Variants in GATA4 observed in about 807,000 individuals in gnomAD.
The protein encoded by GATA4 is transcription factor GATA-4.
In GATA4, 7 loss-of-function variants were observed where a neutral mutation model predicts 37.9. The observed-to-expected ratio is 0.18, with a 90% CI of 0.11 to 0.35. GATA4 has a LOEUF of 0.35. Among genes scored for constraint, GATA4 ranks in the 10% least tolerant of loss-of-function variants. The probability of loss-of-function intolerance (pLI) is 1.00; values close to 1 mark genes in which losing one functional copy is unlikely to be tolerated. For missense variants in GATA4, 647 were observed against 653.0 expected, an observed-to-expected ratio of 0.99 and a Z score of 0.10; for synonymous variants, 372 against 292.6, an observed-to-expected ratio of 1.27 and a Z score of -2.77.
intron 2 of GATA4, among the ~76,000 whole-genome samples, chr8:11,714,527 C>T (rs950158234): frequency 6.6e-5 from 10 of 152,172 alleles, no homozygotes; most frequent in African/African-American, 2.2e-4. Flanking sequence ...AGTTGTTTAA[C>T]TTTCCGGTTA....
chr8:11,748,306 C>T (rs536724704), intron 2 of GATA4, among the ~76,000 whole-genome samples: 4 of 152,146 alleles, frequency 2.6e-5, no homozygotes, highest in African/African-American at 7.2e-5. Flanking sequence ...GCTGGAGTAT[C>T]GCTTGAGCCC....
At chr8:11,705,247 C>A (rs1252496916) in intron 1 of GATA4, among the ~76,000 whole-genome samples, 1 of 152,196 alleles carries the variant, frequency 6.6e-6, no homozygotes, top group Non-Finnish European at 1.5e-5. Context: ...AGGAAGACAA[C>A]CGAGAGCAGG....
chr8:11,685,996 T>C (rs999444255), intron 1 of GATA4, among the ~76,000 whole-genome samples: 1 of 152,230 alleles, frequency 6.6e-6, no homozygotes, highest in African/African-American at 2.4e-5. Flanking sequence ...AGGACAGGAC[T>C]GCAGACTGAA....
rs1327988791 is a variant in GATA4 at position 11,708,348 on chromosome 8, G to A, written c.36G>A (p.Gly12=). The A allele has an allele frequency of 4.4e-6, 7 of 1,583,466 alleles. No homozygotes were observed. Among genetic ancestry groups the A allele is most frequent in the Non-Finnish European group, 6.0e-6 (7 of 1,172,870 alleles). Residue 12 remains glycine, a synonymous_variant, in exon 2 of 7, where the codon GGG becomes GGA. Coordinates refer to ENST00000532059, the MANE Select transcript of GATA4 (RefSeq NM_001308093.3). This position sits in a 1 kb window ranked among gnomAD's most constrained non-coding sequence, Gnocchi z 6.7. The part of the protein sequence containing the change: ...YQSLAMAANH[G]PPPGAYEAGG... ...GCTTGGCCATGGCCGCCAACCACGG[G>A]CCGCCCCCCGGTGCCTACGAGGCGG...
At chr8:11,702,758 C>A (rs1404886237), upstream of GATA4, among the ~76,000 whole-genome samples, 4 of 152,146 alleles carry the variant, frequency 2.6e-5, no homozygotes, top group Non-Finnish European at 5.9e-5. The surrounding 1 kb of genome is among the most constrained non-coding windows in gnomAD (Gnocchi z 4.4). Flanking sequence ...AGAGGGGCGG[C>A]TGCCGTGCGT....
intron 1 of GATA4, chr8:11,681,225 C>T (rs942750633): frequency 1.0e-6 from 1 of 985,184 alleles, no homozygotes; most frequent in African/African-American, 1.7e-5. Flanking sequence ...AGAGATTTCT[C>T]GACGTTTGGG....
At chr8:11,678,012 AAATAATAATAATAATAATAAT>A (rs148395155) in intron 1 of GATA4, among the ~76,000 whole-genome samples, 4,969 of 141,950 alleles carry the variant, frequency 0.035, 313 homozygotes, top group African/African-American at 0.12. Flanking sequence ...GGCTGAGTCA[AAATAATAATAATAATAATAAT>A]AATAATAATA....
At chr8:11,736,250 A>C (rs927756742) in intron 2 of GATA4, among the ~76,000 whole-genome samples, 1 of 152,164 alleles carries the variant, frequency 6.6e-6, no homozygotes, top group Non-Finnish European at 1.5e-5. Flanking sequence ...TTTAAACACA[A>C]ATTGAAGGGG....
rs1203275387 is a variant in GATA4 at position 11,750,160 on chromosome 8, C to T, written c.836C>T (p.Thr279Ile). ...GLSCANCQTT[T>I]TTLWRRNAEG... ...TCCTGTGCCAACTGCCAGACCACCA[C>T]CACCACGCTGTGGCGCCGCAATGCG... Residue 279 changes from threonine (T) to isoleucine (I), a missense_variant, in exon 4 of 7, where the codon ACC becomes ATC. This residue lies in a region of GATA4 where 56 missense variants were observed against 64.5 expected (regional missense o/e 0.87). Coordinates refer to ENST00000532059, the MANE Select transcript of GATA4 (RefSeq NM_001308093.3). The T allele has an allele frequency of 6.2e-7, 1 of 1,613,976 alleles. No individual in the cohort carries two copies. Among genetic ancestry groups the T allele is most frequent in the Non-Finnish European group, 8.5e-7 (1 of 1,180,050 alleles).
intron 1 of GATA4, among the ~76,000 whole-genome samples, chr8:11,678,925 T>C (rs532607930): frequency 5.4e-4 from 82 of 152,358 alleles, no homozygotes; most frequent in African/African-American, 1.8e-3. Context: ...GAAGTGTTTA[T>C]AAATTACTCT....
chr8:11,703,934 C>T (rs1362089210), upstream of GATA4, among the ~76,000 whole-genome samples: 1 of 152,236 alleles, frequency 6.6e-6, no homozygotes, highest in East Asian at 1.9e-4. Context: ...ATAAAGCTGA[C>T]CCTGGGCACC....
intron 1 of GATA4, among the ~76,000 whole-genome samples, chr8:11,682,581 A>G (rs577939749): frequency 7.0e-6 from 1 of 142,424 alleles, no homozygotes; most frequent in East Asian, 2.1e-4. Flanking sequence ...CCCTTCAAGA[A>G]ACTTAAAGAA....
At chr8:11,692,078 T>G (rs1799330517), upstream of GATA4, 2 of 984,400 alleles carry the variant, frequency 2.0e-6, no homozygotes, top group South Asian at 9.4e-5. Flanking sequence ...GTGCTTTCCG[T>G]AGAAAGGGAA....
chr8:11,713,206 G>A (rs887961381), intron 2 of GATA4, among the ~76,000 whole-genome samples: 1 of 152,196 alleles, frequency 6.6e-6, no homozygotes, highest in African/African-American at 2.4e-5. Context: ...GAAGAAATAA[G>A]TGTGGCCTGA....
chr8:11,758,571 C>A lies in GATA4; in HGVS notation c.*96C>A. ...GGCTCCCAGGGGCCGGCCTCCTCTG[C>A]CTGGTAATGACTCCAGAACAACAAC... On this transcript the variant is annotated 3_prime_UTR_variant, in exon 7 of 7. Transcript: ENST00000532059. 1 of 1,177,664 alleles carries A rather than the reference C, an allele frequency of 8.5e-7. No individual in the cohort carries two copies. The highest frequency in any genetic ancestry group is 1.3e-6 in the Non-Finnish European group (1 of 788,642). The allele number at this position is 1,177,664 out of a possible 1,614,324, so 73.0% of individuals were successfully genotyped here. A position where few individuals can be genotyped will look rare whatever the true frequency, so the allele number is the denominator to read the frequency against.
chr8:11,747,734 A>G (rs1802100669), intron 2 of GATA4, among the ~76,000 whole-genome samples: 1 of 152,224 alleles, frequency 6.6e-6, no homozygotes, highest in African/African-American at 2.4e-5. Flanking sequence ...TGAAACAAGA[A>G]TCCAAAACTG....
intron 2 of GATA4, among the ~76,000 whole-genome samples, chr8:11,740,758 C>T (rs1305595543): frequency 3.3e-5 from 5 of 150,588 alleles, no homozygotes; most frequent in Non-Finnish European, 5.9e-5. Context: ...TTTGGAGACA[C>T]GGTCTCACTC....
intron 2 of GATA4, among the ~76,000 whole-genome samples, chr8:11,730,904 T>A (rs1801175033): frequency 1.3e-5 from 2 of 152,342 alleles, no homozygotes; most frequent in East Asian, 3.9e-4. Flanking sequence ...TCGTGTCATC[T>A]GCCTTGGGAG....
rs1801614323 is a variant in GATA4, at chr8:11,739,425, T to TCTGTCGTGTGCGG, written c.617-9491_617-9490insCTGTCGTGTGCGG. 6.8e-4 allele frequency among the ~76,000 whole-genome samples: 104 copies of TCTGTCGTGTGCGG among 152,124 alleles called. 1 individual carries two copies. Among genetic ancestry groups the TCTGTCGTGTGCGG allele is most frequent in the South Asian group, 3.8e-3 (18 of 4,738 alleles). On this transcript the variant is annotated intron_variant, in intron 2 of 6. Transcript: ENST00000532059. ...TTCCAGTGAATTATTAGAGCAGTTT[T>TCTGTCGTGTGCGG]ATTGCTAGCAAGAGTGGGCTGGCTT... is the stretch of plus-strand genomic sequence containing the variant.
Sources: gnomAD v4.1 joint callset for allele counts (sites outside exome capture counted in the v4.1 genomes callset) on GRCh38, gnomAD v4.1.1 for gene constraint, gnomAD v4.1.1 regional missense constraint, Gnocchi (gnomAD v3.1) non-coding constraint, MANE v1.5 for transcripts, NCBI Gene and HGNC (gene_info 2026-07-23, HGNC 2026-07-21) for gene names.